LRMDA: variants seen among roughly 807,000 people sequenced by gnomAD.
LRMDA encodes leucine-rich melanocyte differentiation-associated protein.
LRMDA carries 18 observed loss-of-function variants against 29.8 expected under a neutral mutation model. The ratio of observed to expected loss-of-function variants is 0.60; its 90% CI spans 0.42 to 0.90. The LOEUF is 0.90. LRMDA is among the 40% of genes least tolerant of loss of function. The pLI, the probability that LRMDA is intolerant of heterozygous loss-of-function variation, is 0.00. For missense variants in LRMDA, 273 were observed against 273.9 expected, an observed-to-expected ratio of 1.00 and a Z score of 0.02; for synonymous variants, 125 against 109.4, an observed-to-expected ratio of 1.14 and a Z score of -0.89.
chr10:76,067,380 T>C (rs1848801889), intron 5 of LRMDA, among the ~76,000 whole-genome samples: 1 of 152,210 alleles, frequency 6.6e-6, no homozygotes, highest in African/African-American at 2.4e-5. Flanking sequence ...TGGAAAAGTA[T>C]CTTTGGCATT....
At chr10:75,507,723 C>A (rs1845184979) in intron 2 of LRMDA, among the ~76,000 whole-genome samples, 1 of 152,140 alleles carries the variant, frequency 6.6e-6, no homozygotes. Flanking sequence ...TCTGTAACTT[C>A]CAAACAAACA....
chr10:75,541,402 C>CTTT (rs35660494), intron 2 of LRMDA, among the ~76,000 whole-genome samples: 3 of 136,824 alleles, frequency 2.2e-5, no homozygotes, highest in African/African-American at 8.2e-5. Context: ...TCCCCACAAA[C>CTTT]TTTTTTTTTT....
chr10:75,816,734 G>A (rs1340235466), intron 2 of LRMDA, among the ~76,000 whole-genome samples: 1 of 152,168 alleles, frequency 6.6e-6, no homozygotes, highest in Non-Finnish European at 1.5e-5. Flanking sequence ...GTCCTCTTAT[G>A]GATCCCCAAT....
intron 5 of LRMDA, among the ~76,000 whole-genome samples, chr10:76,119,065 T>C (rs1489021500): frequency 6.6e-6 from 1 of 152,170 alleles, no homozygotes; most frequent in Non-Finnish European, 1.5e-5. Flanking sequence ...TTATCTTAAT[T>C]AGTCCCTGTA....
intron 2 of LRMDA, among the ~76,000 whole-genome samples, chr10:75,498,464 G>A (rs1172119341): frequency 6.6e-6 from 1 of 152,174 alleles, no homozygotes; most frequent in Non-Finnish European, 1.5e-5. Context: ...GTGTGCACGA[G>A]TGTTTGCGTG....
At chr10:76,347,640 T>C (rs928924077) in intron 6 of LRMDA, among the ~76,000 whole-genome samples, 1 of 152,166 alleles carries the variant, frequency 6.6e-6, no homozygotes, top group Non-Finnish European at 1.5e-5. Context: ...AGTGCAGCAC[T>C]GGAAAAATTC....
intron 5 of LRMDA, among the ~76,000 whole-genome samples, chr10:76,156,972 T>G (rs1850549397): frequency 6.6e-6 from 1 of 151,874 alleles, no homozygotes; most frequent in Non-Finnish European, 1.5e-5. Flanking sequence ...CCTGGAGGAG[T>G]GTGTAATGCA....
intron 6 of LRMDA, among the ~76,000 whole-genome samples, chr10:76,430,582 G>A (rs1304951613): frequency 1.3e-5 from 2 of 152,172 alleles, no homozygotes; most frequent in African/African-American, 4.8e-5. Flanking sequence ...ATTGAGAGCT[G>A]GATTTTTGTC....
Position 75,438,509 on chromosome 10 carries a change from C to A in LRMDA, c.131+15C>A, listed in dbSNP as rs887679862. ...AACCTTCTGAGGTATGTAACCTTCA[C>A]AAGATGTAGGCCAGGCCTGGGAGGC... On this transcript the variant is annotated intron_variant, in intron 2 of 6. Transcript: ENST00000611255. 1.3e-6 allele frequency: 2 copies of A among 1,546,604 alleles called. No individual in the cohort carries two copies. The highest frequency in any genetic ancestry group is 8.7e-7 in the Non-Finnish European group (1 of 1,143,468).
intron 5 of LRMDA, among the ~76,000 whole-genome samples, chr10:76,254,358 C>CCTATCCTATCCTATG (rs1554859388): frequency 7.6e-5 from 10 of 131,386 alleles, no homozygotes; most frequent in Admixed American, 2.4e-4. Context: ...CCTATCCTAT[C>CCTATCCTATCCTATG]CTATGCTATG....
Position 76,557,912 on chromosome 10 carries a change from A to ATAAC in LRMDA, c.*626_*629dup, listed in dbSNP as rs1843578171. The ATAAC allele has an allele frequency of 6.6e-6, 1 of 152,234 alleles. No individual in the cohort carries two copies. Among genetic ancestry groups the ATAAC allele is most frequent in the African/African-American group, 2.4e-5 (1 of 41,402 alleles). The allele number at this position is 152,234 out of a possible 1,614,324, so 9.4% of individuals were successfully genotyped here. On this transcript the variant is annotated 3_prime_UTR_variant, in exon 7 of 7. Transcript: ENST00000611255. ...TTTGCAGTTTTTCGGAGAACAAGGT[A>ATAAC]TAACTTCCCAGCCAGGTCATACATT...
intron 2 of LRMDA, among the ~76,000 whole-genome samples, chr10:75,827,150 C>T (rs1006641510): frequency 2.6e-5 from 4 of 152,128 alleles, no homozygotes; most frequent in Non-Finnish European, 4.4e-5. Context: ...GATTGCACAT[C>T]GCATGTTTTT....
chr10:76,009,685 C>T (rs1026947235), intron 2 of LRMDA, among the ~76,000 whole-genome samples: 2 of 152,184 alleles, frequency 1.3e-5, no homozygotes, highest in Admixed American at 1.3e-4. Flanking sequence ...ATGTGTGTCT[C>T]TTTGTGGTCA....
At chr10:75,867,022 A>C (rs113525755) in intron 2 of LRMDA, among the ~76,000 whole-genome samples, 76 of 152,328 alleles carry the variant, frequency 5.0e-4, no homozygotes, top group African/African-American at 1.8e-3. Context: ...TATGCTGTAC[A>C]TCTGTGAGAA....
chr10:75,741,092 A>G (rs972456047), intron 2 of LRMDA, among the ~76,000 whole-genome samples: 3 of 152,214 alleles, frequency 2.0e-5, no homozygotes, highest in African/African-American at 7.2e-5. Flanking sequence ...TACTAGCTGT[A>G]GGTTGAGAAA....
intron 2 of LRMDA, among the ~76,000 whole-genome samples, chr10:76,030,592 C>T (rs1186057728): frequency 6.6e-6 from 1 of 152,086 alleles, no homozygotes; most frequent in African/African-American, 2.4e-5. Context: ...AGATTGAGAC[C>T]ATCCTGGCCA....
intron 6 of LRMDA, among the ~76,000 whole-genome samples, chr10:76,408,084 T>C (rs551674038): frequency 7.9e-5 from 12 of 152,350 alleles, no homozygotes; most frequent in African/African-American, 2.6e-4. Context: ...TTTATTATAT[T>C]CAGCACCTGT....
At chr10:75,998,196 C>T (rs1051438463) in intron 2 of LRMDA, among the ~76,000 whole-genome samples, 13 of 152,174 alleles carry the variant, frequency 8.5e-5, no homozygotes, top group African/African-American at 2.7e-4. Context: ...GCATGACAAA[C>T]CTCTAGTCTG....
chr10:75,811,333 T>C (rs539388437), intron 2 of LRMDA, among the ~76,000 whole-genome samples: 1 of 152,268 alleles, frequency 6.6e-6, no homozygotes, highest in East Asian at 1.9e-4. Context: ...GTTGTGGTCA[T>C]AGCAACATCT....
Sources: allele counts gnomAD v4.1 joint callset (sites outside exome capture counted in the v4.1 genomes callset), GRCh38; gene constraint gnomAD v4.1.1; transcripts MANE v1.5; gene names NCBI Gene and HGNC (gene_info 2026-07-23, HGNC 2026-07-21).